Variants in CDHR3 observed in about 807,000 individuals in gnomAD.
CDHR3 encodes the protein cadherin-related family member 3.
A neutral mutation model predicts 86.6 loss-of-function variants in CDHR3; 79 were observed. The ratio of observed to expected loss-of-function variants is 0.91; its 90% CI spans 0.76 to 1.10. The LOEUF is 1.10. CDHR3 is among the 50% of genes least tolerant of loss of function. The probability of loss-of-function intolerance (pLI) is 0.00; values close to 1 mark genes in which losing one functional copy is unlikely to be tolerated. For missense variants in CDHR3, 1,081 were observed against 1,077.6 expected, an observed-to-expected ratio of 1.00 and a Z score of -0.04; for synonymous variants, 421 against 402.4, an observed-to-expected ratio of 1.05 and a Z score of -0.55.
intron 8 of CDHR3, among the ~76,000 whole-genome samples, chr7:106,005,944 T>C (rs1833889070): frequency 1.3e-5 from 2 of 152,226 alleles, no homozygotes; most frequent in Admixed American, 6.5e-5. Context: ...ACTGTTTTCA[T>C]GCTGCTGATA....
At chr7:106,016,474 C>T (rs1279606848) in intron 11 of CDHR3, among the ~76,000 whole-genome samples, 1 of 152,128 alleles carries the variant, frequency 6.6e-6, no homozygotes, top group East Asian at 1.9e-4. Context: ...CCCTGAAGGC[C>T]TTCTTTTCTG....
intron 8 of CDHR3, among the ~76,000 whole-genome samples, chr7:106,007,723 A>G (rs1232456857): frequency 1.3e-5 from 2 of 152,198 alleles, no homozygotes; most frequent in African/African-American, 4.8e-5. Context: ...AGGGAGTTCC[A>G]AACTTTCCCA....
chr7:105,996,066 G>A (rs887369799), intron 5 of CDHR3, among the ~76,000 whole-genome samples, 184 bp from the exon 6 acceptor site: 2 of 152,162 alleles, frequency 1.3e-5, no homozygotes, highest in Non-Finnish European at 2.9e-5. Flanking sequence ...GCAGCCAGCG[G>A]GTTTGGAGAC....
intron 8 of CDHR3, among the ~76,000 whole-genome samples, chr7:106,008,621 G>A (rs1048868975): frequency 6.6e-6 from 1 of 152,066 alleles, no homozygotes; most frequent in African/African-American, 2.4e-5. Context: ...AAGTCCATTA[G>A]ATGGGTGGGG....
At chr7:105,965,994 C>T (rs1826862943) in intron 1 of CDHR3, among the ~76,000 whole-genome samples, 1 of 152,114 alleles carries the variant, frequency 6.6e-6, no homozygotes, top group Non-Finnish European at 1.5e-5. Context: ...CTGTCCTTTC[C>T]ACCTCCTATG....
Position 106,018,151 on chromosome 7 carries a change from T to C in CDHR3, c.1653+79T>C, listed in dbSNP as rs551775232. 3.0e-5 allele frequency: 35 copies of C among 1,160,696 alleles called. No individual in the cohort carries two copies. In the African/African-American group the frequency reaches 3.8e-4, roughly 13 times the overall value. 71.9% of individuals were successfully genotyped at this position (1,160,696 alleles called of 1,614,324 possible). A position where few individuals can be genotyped will look rare whatever the true frequency, so the allele number is the denominator to read the frequency against. The stretch of plus-strand genomic sequence containing the variant: ...CTCTCTGGCACCCCCAGAGTGTGGA[T>C]GTGGCAATGAGGAAACTTCCCAGGG... On this transcript the variant is annotated intron_variant, in intron 12 of 18. Coordinates refer to ENST00000317716, the MANE Select transcript of CDHR3 (RefSeq NM_152750.5).
intron 2 of CDHR3, among the ~76,000 whole-genome samples, chr7:105,976,905 C>T (rs1056627318): frequency 2.0e-5 from 3 of 151,920 alleles, no homozygotes; most frequent in Admixed American, 6.6e-5. Context: ...TTATGGTCTA[C>T]AGCATTTAGT....
At chr7:105,973,131 T>C (rs1460973452) in intron 1 of CDHR3, among the ~76,000 whole-genome samples, 1 of 152,184 alleles carries the variant, frequency 6.6e-6, no homozygotes, top group Non-Finnish European at 1.5e-5. Flanking sequence ...GTGGCTGAGA[T>C]TGGGAAGCTG....
Position 106,030,705 on chromosome 7 carries a change from A to T in CDHR3, c.2305-87A>T. On this transcript the variant is annotated intron_variant, in intron 17 of 18. Transcript: ENST00000317716. The surrounding 1 kb of genome is among the most constrained non-coding windows in gnomAD (Gnocchi z 4.8). ...CTTAGAAGTCAAGAAGGCTTTGGTT[A>T]AGGAACTTGGGTTGTGAGGATGTGT... The T allele has an allele frequency of 7.7e-7, 1 of 1,296,950 alleles. No individual in the cohort carries two copies. The highest frequency in any genetic ancestry group is 1.1e-6 in the Non-Finnish European group (1 of 914,180). 80.3% of individuals were successfully genotyped at this position (1,296,950 alleles called of 1,614,324 possible). A position where few individuals can be genotyped will look rare whatever the true frequency, so the allele number is the denominator to read the frequency against.
intron 6 of CDHR3, among the ~76,000 whole-genome samples, chr7:105,996,653 G>T (rs1318778720): frequency 6.6e-6 from 1 of 152,176 alleles, no homozygotes; most frequent in Non-Finnish European, 1.5e-5. Context: ...CACATGCAGA[G>T]GGTGCTTTTA....
intron 8 of CDHR3, 30 bp downstream of exon 8, chr7:106,004,717 A>T: frequency 6.2e-7 from 1 of 1,610,552 alleles, no homozygotes; most frequent in Non-Finnish European, 8.5e-7. Flanking sequence ...TGGGCTGGAC[A>T]TTCTATCTCT....
chr7:105,975,890 GTGTTCTTAAACTCAGCTTATCATTAGT>G (rs1397539874), intron 2 of CDHR3, among the ~76,000 whole-genome samples: 7 of 152,202 alleles, frequency 4.6e-5, no homozygotes, highest in African/African-American at 1.7e-4. Flanking sequence ...TTCCCATTAC[GTGTTCTTAAACTCAGCTTATCATTAGT>G]CACTAGGAGA....
chr7:106,018,845 C>T (rs768856563), intron 12 of CDHR3, among the ~76,000 whole-genome samples: 1 of 152,070 alleles, frequency 6.6e-6, no homozygotes, highest in Non-Finnish European at 1.5e-5. Flanking sequence ...TGCTTCCCAA[C>T]CTTTGAGGCT....
At chr7:106,027,689 C>G (rs1372184036) in intron 16 of CDHR3, 2 of 453,758 alleles carry the variant, frequency 4.4e-6, no homozygotes, top group Non-Finnish European at 8.9e-6. Flanking sequence ...TTTAATCACT[C>G]CATCTACAGG....
Position 105,974,955 on chromosome 7 carries a change from C to T in CDHR3, c.158C>T (p.Ser53Leu), listed in dbSNP as rs1585515403. 1 of 1,613,672 alleles carries T rather than the reference C, an allele frequency of 6.2e-7. No individual in the cohort carries two copies. Among genetic ancestry groups the T allele is most frequent in the Non-Finnish European group, 8.5e-7 (1 of 1,179,560 alleles). ...TCTGTGAAGTTATCAGCATCATTGT[C>T]ACCTGTGATCCCAGGATTTCCCCAG... is the stretch of plus-strand genomic sequence containing the variant. ...KFSVKLSASL[S>L]PVIPGFPQIV... The change falls in exon 2 of 19, where the codon TCA (serine) becomes TTA (leucine). Residue 53 changes from serine to leucine, a missense_variant. Coordinates refer to ENST00000317716, the MANE Select transcript of CDHR3 (RefSeq NM_152750.5).
In CDHR3 at chr7:106,011,991, G is replaced by A. The variant is rs116852151; in HGVS notation, c.1053-869G>A. Among the ~76,000 whole-genome samples, 95 of 152,354 alleles carry A rather than the reference G, an allele frequency of 6.2e-4. 1 individual carries two copies. The East Asian group carries it at 0.018, about 28-fold the overall frequency. ...AGTCAAGGAATTCTCAATCTTCAAAGCATGGGAAATGAGGGGTACAGGGAT... is the reference window on the plus strand; with the variant it reads ...AGTCAAGGAATTCTCAATCTTCAAAACATGGGAAATGAGGGGTACAGGGAT... On this transcript the variant is annotated intron_variant, in intron 8 of 18. Transcript: ENST00000317716.
At position 106,015,941 on chromosome 7, in the gene CDHR3, T is replaced by G. The variant is rs1835552676; in HGVS notation, c.1342T>G (p.Tyr448Asp). ...PPYYKNNVYV[Y>D]ILTSPENEFP... ...TCCATTTTTAGATAACGTCTACGTT[T>G]ATATCCTAACAAGCCCAGAAAATGA... The change falls in exon 11 of 19, where the codon TAT becomes GAT. Residue 448 changes from tyrosine (Y) to aspartate (D), a missense_variant. Tyr to Asp is a radical substitution (Grantham distance 160). Coordinates refer to ENST00000317716, the MANE Select transcript of CDHR3 (RefSeq NM_152750.5). 1 of 1,610,290 alleles carries G rather than the reference T, an allele frequency of 6.2e-7. No homozygotes were observed. Among genetic ancestry groups the G allele is most frequent in the African/African-American group, 1.3e-5 (1 of 74,886 alleles).
intron 8 of CDHR3, 30 bp downstream of exon 8, chr7:106,004,717 A>G (rs1833698671): frequency 6.2e-7 from 1 of 1,610,552 alleles, no homozygotes; most frequent in East Asian, 2.2e-5. Context: ...TGGGCTGGAC[A>G]TTCTATCTCT....
chr7:106,016,094 G>A (rs1835588537), intron 11 of CDHR3, 69 bp downstream of exon 11: 1 of 1,051,372 alleles, frequency 9.5e-7, no homozygotes, highest in Non-Finnish European at 1.4e-6. Flanking sequence ...GTTCTGTGGA[G>A]TGGAAAACTC....
Sources: gnomAD v4.1 joint callset for allele counts (sites outside exome capture counted in the v4.1 genomes callset) on GRCh38, gnomAD v4.1.1 for gene constraint, Gnocchi (gnomAD v3.1) non-coding constraint, MANE v1.5 for transcripts, NCBI Gene and HGNC (gene_info 2026-07-23, HGNC 2026-07-21) for gene names.